GCNA: variants seen among roughly 807,000 people sequenced by gnomAD.
The protein encoded by GCNA is germ cell nuclear acidic peptidase.
In GCNA, 3 loss-of-function variants were observed where a neutral mutation model predicts 38.8. The observed-to-expected ratio is 0.08, with a 90% CI of 0.04 to 0.20. The LOEUF is 0.20. GCNA is among the 10% of genes least tolerant of loss of function. The pLI is 1.00. For missense variants in GCNA, 446 were observed against 578.6 expected (o/e 0.77, Z 2.35); for synonymous variants, 195 against 240.2 (o/e 0.81, Z 1.74).
rs141229655 is a variant in GCNA at position 71,603,931 on chromosome X, G to C, written c.654G>C (p.Lys218Asn). ...ATGATTCGGATGTTCCCGACGACAA[G>C]AGTGATGATTCGGATGTTCCCGACG... Reference protein sequence around the residue: ...NSDDSDVPDDKSDDSDVPDDS... With the variant: ...NSDDSDVPDDNSDDSDVPDDS... Residue 218 changes from lysine to asparagine, a missense_variant, in exon 8 of 13, where the codon AAG (lysine) becomes AAC (asparagine). Physicochemically the swap from Lys to Asn is moderately conservative, Grantham distance 94 (BLOSUM62 0). Coordinates refer to ENST00000373696, the MANE Select transcript of GCNA (RefSeq NM_052957.5). The C allele has an allele frequency of 1.4e-4, 167 of 1,196,842 alleles. 1 individual carries two copies. The highest frequency in any genetic ancestry group is 1.7e-4 in the Non-Finnish European group (149 of 890,296).
chrX:71,600,279 A>G (rs2040702868), intron 7 of GCNA, among the ~76,000 whole-genome samples: 1 of 111,568 alleles, frequency 9.0e-6, no homozygotes, highest in Admixed American at 9.5e-5. Context: ...TTGGTGACCA[A>G]CACAGAGTTG....
chrX:71,582,135 A>T (rs2040550570), intron 2 of GCNA, among the ~76,000 whole-genome samples: 1 of 108,555 alleles, frequency 9.2e-6, no homozygotes, highest in East Asian at 2.9e-4. Flanking sequence ...TTAGCTGGGC[A>T]CGGCGGCTGC....
chrX:71,582,772 C>A (rs894027125), intron 2 of GCNA, among the ~76,000 whole-genome samples: 1 of 111,992 alleles, frequency 8.9e-6, no homozygotes. Context: ...GCCTTTCTCC[C>A]TGTAACCCAT....
At chrX:71,598,748 T>C (rs970077426) in intron 7 of GCNA, among the ~76,000 whole-genome samples, 9 of 111,267 alleles carry the variant, frequency 8.1e-5, no homozygotes, top group African/African-American at 2.9e-4. Context: ...CACTGAGCTT[T>C]GTTCTGTCAG....
At chrX:71,600,587 G>T (rs1429970444) in intron 7 of GCNA, among the ~76,000 whole-genome samples, 1 of 112,000 alleles carries the variant, frequency 8.9e-6, no homozygotes, top group Non-Finnish European at 1.9e-5. Context: ...TTTGAAAATT[G>T]CCACGAGTTT....
Position 71,612,317 on chromosome X carries a change from G to A in GCNA, c.1751-38G>A, listed in dbSNP as rs1209399268. ...AAAAAAAAAAAAAAAAAGAGGATTG[G>A]TTTTAGTGCTCACATTTCTTTTCAT... On this transcript the variant is annotated intron_variant, in intron 11 of 12. Transcript: ENST00000373696. 1.6e-5 allele frequency: 11 copies of A among 692,588 alleles called. No individual in the cohort carries two copies. The East Asian group carries it at 4.1e-4, about 26-fold the overall frequency. The allele number at this position is 692,588 out of a possible 1,213,427, so 57.1% of individuals were successfully genotyped here.
chrX:71,600,591 C>G (rs376621104), intron 7 of GCNA, among the ~76,000 whole-genome samples: 3 of 111,747 alleles, frequency 2.7e-5, no homozygotes, highest in Non-Finnish European at 5.6e-5. Flanking sequence ...AAAATTGCCA[C>G]GAGTTTGGTT....
rs2040518033 is a variant in GCNA, at chrX:71,578,437, A to C, written c.-88A>C. Reference sequence around the variant, plus strand: ...AAGGGGCCTGCGCCTGGCGTTGTTCATCGCAGTTGCTCCGGATCTTTGCAC... The same window carrying C: ...AAGGGGCCTGCGCCTGGCGTTGTTCCTCGCAGTTGCTCCGGATCTTTGCAC... On this transcript the variant is annotated 5_prime_UTR_variant, in exon 1 of 13. Transcript: ENST00000373696. 8.9e-6 allele frequency: 1 copy of C among 112,292 alleles called. No homozygotes were observed. The highest frequency in any genetic ancestry group is 3.7e-4 in the South Asian group (1 of 2,688). 9.3% of individuals were successfully genotyped at this position (112,292 alleles called of 1,213,427 possible). A position where few individuals can be genotyped will look rare whatever the true frequency, so the allele number is the denominator to read the frequency against.
intron 2 of GCNA, among the ~76,000 whole-genome samples, chrX:71,587,612 A>G (rs899788903): frequency 9.0e-5 from 10 of 111,417 alleles, no homozygotes; most frequent in Non-Finnish European, 1.5e-4. Context: ...TATGTTTTAA[A>G]TTTCTTGACA....
rs1569442325 is a variant in GCNA at position 71,610,791 on chromosome X, G to A, written c.1722G>A (p.Gln574=). Reference sequence around the variant, plus strand: ...AGTGGCGGCGCTTTGCCAAGATCCAGATTGGCTTGAAAGTCTGCGACTCTG... The same window carrying A: ...AGTGGCGGCGCTTTGCCAAGATCCAAATTGGCTTGAAAGTCTGCGACTCTG... ...YPKWRRFAKI[Q]IGLKVCDSAD... The change falls in exon 11 of 13, where the codon CAG becomes CAA. Residue 574 remains glutamine, a synonymous_variant. Coordinates refer to ENST00000373696, the MANE Select transcript of GCNA (RefSeq NM_052957.5). 1 of 1,211,068 alleles carries A rather than the reference G, an allele frequency of 8.3e-7. No individual in the cohort carries two copies. Among genetic ancestry groups the A allele is most frequent in the Non-Finnish European group, 1.1e-6 (1 of 895,411 alleles).
chrX:71,598,311 G>A (rs1053581661), intron 7 of GCNA, among the ~76,000 whole-genome samples: 3 of 111,555 alleles, frequency 2.7e-5, no homozygotes, highest in African/African-American at 6.5e-5. Flanking sequence ...TCAGTGAAGC[G>A]GGGTAGGGGT....
chrX:71,600,998 ATTC>A (rs1351577646), intron 7 of GCNA, among the ~76,000 whole-genome samples: 12 of 111,493 alleles, frequency 1.1e-4, no homozygotes, highest in Middle Eastern at 4.6e-3. Context: ...TCTGTTAACT[ATTC>A]TTCTATTCTC....
At chrX:71,596,454 T>C (rs1472739435) in intron 6 of GCNA, among the ~76,000 whole-genome samples, 1 of 111,931 alleles carries the variant, frequency 8.9e-6, no homozygotes, top group Non-Finnish European at 1.9e-5. Context: ...AGTATTTCCA[T>C]TGCTGTTATT....
At chrX:71,602,165 T>G (rs2040720825) in intron 7 of GCNA, among the ~76,000 whole-genome samples, 1 of 111,887 alleles carries the variant, frequency 8.9e-6, no homozygotes, top group South Asian at 3.7e-4. Context: ...TGGGGTGAGA[T>G]GATACCTCAT....
chrX:71,600,215 A>G (rs957350865), intron 7 of GCNA, among the ~76,000 whole-genome samples: 2 of 111,725 alleles, frequency 1.8e-5, no homozygotes, highest in Admixed American at 9.5e-5. Flanking sequence ...CTCCTGACTC[A>G]TATCAGTGGT....
At chrX:71,589,450 C>CTT (rs371046758) in intron 2 of GCNA, among the ~76,000 whole-genome samples, 723 of 37,696 alleles carry the variant, frequency 0.019, 95 homozygotes, top group Non-Finnish European at 0.028. Flanking sequence ...CATATATTTC[C>CTT]TTTTTTTTTT....
intron 5 of GCNA, 53 bp downstream of exon 5, chrX:71,594,430 G>A: frequency 1.9e-6 from 2 of 1,040,750 alleles, no homozygotes; most frequent in Non-Finnish European, 2.7e-6. Context: ...TTGTAGAGAT[G>A]ACTCAACTGT....
At position 71,612,534 on chromosome X, in the gene GCNA, T is replaced by C; in HGVS notation, c.1930T>C (p.Tyr644His). The C allele has an allele frequency of 8.3e-7, 1 of 1,209,857 alleles. No homozygotes were observed. The highest frequency in any genetic ancestry group is 1.1e-6 in the Non-Finnish European group (1 of 894,807). Residue 644 changes from tyrosine (Y) to histidine (H), a missense_variant, in exon 12 of 13, where the codon TAT (tyrosine) becomes CAT (histidine). Physicochemically the swap from Tyr to His is moderately conservative, Grantham distance 83. Coordinates refer to ENST00000373696, the MANE Select transcript of GCNA (RefSeq NM_052957.5). ...CTATAAGATTAACTACAAGGTCCAT[T>C]ATGAATGTACTGGATGCAAAACGAG... ...HNYKINYKVH[Y>H]ECTGCKTRIG...
chrX:71,594,552 C>T (rs1405541936), intron 5 of GCNA, among the ~76,000 whole-genome samples, 175 bp downstream of exon 5: 1 of 96,726 alleles, frequency 1.0e-5, no homozygotes, highest in African/African-American at 3.7e-5. Context: ...TTCTCTGCTT[C>T]TTTTCCAACT....
Sources: gnomAD v4.1 joint callset for allele counts (sites outside exome capture counted in the v4.1 genomes callset) on GRCh38, gnomAD v4.1.1 for gene constraint, MANE v1.5 for transcripts, NCBI Gene and HGNC (gene_info 2026-07-23, HGNC 2026-07-21) for gene names.